KHDRBS2: variants seen among roughly 807,000 people sequenced by gnomAD.
KHDRBS2 encodes KH RNA binding domain containing, signal transduction associated 2, also known as KH domain-containing, RNA-binding, signal transduction-associated protein 2.
A neutral mutation model predicts 44.3 loss-of-function variants in KHDRBS2; 26 were observed. The ratio of observed to expected loss-of-function variants is 0.59; its 90% CI spans 0.43 to 0.81. The LOEUF (loss-of-function observed/expected upper bound fraction) is 0.81, where lower values mean the gene tolerates loss of function less well. KHDRBS2 is among the 40% of genes least tolerant of loss of function. The pLI is 0.00. For synonymous variants in KHDRBS2, 194 were observed against 151.1 expected (o/e 1.28, Z -2.08); for missense variants, 476 against 433.1 (o/e 1.10, Z -0.88).
chr6:61,637,026 T>C, the KHDRBS2 span, among the ~76,000 whole-genome samples: 1 of 152,068 alleles, frequency 6.6e-6, no homozygotes, highest in East Asian at 1.9e-4. Context: ...ATATACTTTT[T>C]TCTTTTTTTA....
chr6:62,056,365 C>T (rs1187354154), intron 2 of KHDRBS2, among the ~76,000 whole-genome samples: 4 of 151,856 alleles, frequency 2.6e-5, no homozygotes, highest in African/African-American at 9.7e-5. Flanking sequence ...TAATATTCTA[C>T]TATGAACACA....
At chr6:61,874,815 G>A (rs1381011448) in intron 6 of KHDRBS2, among the ~76,000 whole-genome samples, 1 of 152,102 alleles carries the variant, frequency 6.6e-6, no homozygotes, top group Non-Finnish European at 1.5e-5. Context: ...CTGATGCCAT[G>A]ATGTAAAGTC....
intron 2 of KHDRBS2, among the ~76,000 whole-genome samples, chr6:62,097,580 T>A (rs1205892044): frequency 2.6e-5 from 4 of 152,048 alleles, no homozygotes; most frequent in Non-Finnish European, 5.9e-5. Context: ...TCCATGTGTA[T>A]CTTCTTCTAT....
At chr6:61,619,700 T>A in the KHDRBS2 span, among the ~76,000 whole-genome samples, 1 of 152,124 alleles carries the variant, frequency 6.6e-6, no homozygotes, top group Non-Finnish European at 1.5e-5. Flanking sequence ...GTGATCCACC[T>A]GCCTCGGCCT....
intron 1 of KHDRBS2, among the ~76,000 whole-genome samples, chr6:62,258,709 C>T (rs1445569059): frequency 6.6e-6 from 1 of 151,898 alleles, no homozygotes; most frequent in Non-Finnish European, 1.5e-5. Context: ...CCTAAGATAT[C>T]CCATTATGTA....
intron 1 of KHDRBS2, among the ~76,000 whole-genome samples, chr6:62,254,115 A>C (rs1462470684): frequency 6.6e-6 from 1 of 152,040 alleles, no homozygotes; most frequent in African/African-American, 2.4e-5. Context: ...AAATGTCAAA[A>C]AACAATTACA....
chr6:61,712,022 C>T (rs1298945719), intron 7 of KHDRBS2, among the ~76,000 whole-genome samples: 3 of 151,782 alleles, frequency 2.0e-5, no homozygotes, highest in Non-Finnish European at 4.4e-5. Context: ...GGGCTTGGCA[C>T]TCCCTGAGGT....
rs115915860 is a variant in KHDRBS2 at position 62,091,043 on chromosome 6, T to C, written c.220-43049A>G. ...GGGAATGTCAGGGCCTGTCATACTG[T>C]TCATTGCAACCTAGCTGTTGCTCTG... is the stretch of plus-strand genomic sequence containing the variant. On this transcript the variant is annotated intron_variant, in intron 2 of 8. Coordinates refer to ENST00000281156, the MANE Select transcript of KHDRBS2 (RefSeq NM_152688.4). Among the ~76,000 whole-genome samples the C allele has an allele frequency of 2.5e-3, 381 of 152,304 alleles. 3 individuals are homozygous for C. The highest frequency in any genetic ancestry group is 8.4e-3 in the African/African-American group (348 of 41,556).
chr6:62,048,656 C>G (rs960420951), intron 2 of KHDRBS2, among the ~76,000 whole-genome samples: 1 of 151,798 alleles, frequency 6.6e-6, no homozygotes, highest in Non-Finnish European at 1.5e-5. Context: ...ATACAAAACA[C>G]TTTGTCGAAA....
At chr6:61,836,770 C>T (rs551067769) in intron 6 of KHDRBS2, among the ~76,000 whole-genome samples, 110 of 108,184 alleles carry the variant, frequency 1.0e-3, no homozygotes, top group African/African-American at 3.8e-3. Flanking sequence ...CACACATACA[C>T]GCATATATAC....
the KHDRBS2 span, among the ~76,000 whole-genome samples, chr6:61,597,730 T>TATATATATATATATA: frequency 6.4e-5 from 2 of 31,384 alleles, no homozygotes; most frequent in Non-Finnish European, 1.2e-4. Flanking sequence ...ATTTTGCACC[T>TATATATATATATATA]TTTATATATA....
chr6:61,594,504 C>T, the KHDRBS2 span, among the ~76,000 whole-genome samples: 1 of 152,034 alleles, frequency 6.6e-6, no homozygotes, highest in African/African-American at 2.4e-5. Flanking sequence ...GGAAAAAAAG[C>T]ATCAGAAGAA....
At chr6:62,137,945 T>C (rs1043893890) in intron 2 of KHDRBS2, among the ~76,000 whole-genome samples, 64 of 152,198 alleles carry the variant, frequency 4.2e-4, no homozygotes, top group African/African-American at 1.5e-3. Flanking sequence ...ACATCAAAAT[T>C]TCACAATGTG....
chr6:62,151,951 A>G (rs1197902914), intron 2 of KHDRBS2, among the ~76,000 whole-genome samples: 6 of 152,204 alleles, frequency 3.9e-5, no homozygotes, highest in South Asian at 4.1e-4. Flanking sequence ...AACCACACCC[A>G]TATCTTAATA....
At chr6:61,986,527 T>C (rs1775080022) in intron 3 of KHDRBS2, among the ~76,000 whole-genome samples, 1 of 152,254 alleles carries the variant, frequency 6.6e-6, no homozygotes. Context: ...TTGAAAATTA[T>C]TCTAAACCAA....
chr6:61,621,817 G>A, the KHDRBS2 span, among the ~76,000 whole-genome samples: 1 of 152,144 alleles, frequency 6.6e-6, no homozygotes, highest in East Asian at 1.9e-4. Flanking sequence ...TTAACAGATT[G>A]GAAAGAGAGC....
chr6:61,769,044 T>G (rs1477036157), intron 6 of KHDRBS2, among the ~76,000 whole-genome samples: 2 of 152,216 alleles, frequency 1.3e-5, no homozygotes, highest in Non-Finnish European at 2.9e-5. Context: ...TATATTTTAT[T>G]TATAATGAAA....
intron 6 of KHDRBS2, among the ~76,000 whole-genome samples, chr6:61,834,875 G>A (rs1420178587): frequency 6.6e-6 from 1 of 152,006 alleles, no homozygotes; most frequent in Non-Finnish European, 1.5e-5. Context: ...AAAATTTGGT[G>A]TCGTAAATTT....
chr6:61,843,601 G>A lies in KHDRBS2; in HGVS notation c.810+51034C>T, dbSNP rs547489849. 2.2e-4 allele frequency among the ~76,000 whole-genome samples: 33 copies of A among 151,986 alleles called. No homozygotes were observed. The South Asian group carries it at 5.4e-3, about 25-fold the overall frequency. ...GCTGGTCTCAAACCCCTGACCTCAA[G>A]TGATCCACCCACCTCAGCCTCCCAA... On this transcript the variant is annotated intron_variant, in intron 6 of 8. Coordinates refer to ENST00000281156, the MANE Select transcript of KHDRBS2 (RefSeq NM_152688.4).
Sources: allele counts gnomAD v4.1 joint callset (sites outside exome capture counted in the v4.1 genomes callset), GRCh38; gene constraint gnomAD v4.1.1; transcripts MANE v1.5; gene names NCBI Gene and HGNC (gene_info 2026-07-23, HGNC 2026-07-21).